The following SYT9 variants were observed in gnomAD, a reference collection of about 807,000 sequenced individuals.
SYT9 encodes the protein synaptotagmin-9.
SYT9 carries 22 observed loss-of-function variants against 48.4 expected under a neutral mutation model. The observed-to-expected ratio is 0.45, with a 90% CI of 0.32 to 0.65. SYT9 has a LOEUF of 0.65. SYT9 is among the 30% of genes least tolerant of loss of function. SYT9 has a pLI of 0.03. For missense variants in SYT9, 577 were observed against 622.0 expected (o/e 0.93, Z 0.77); for synonymous variants, 265 against 245.0 (o/e 1.08, Z -0.76).
rs147005259 is a variant in SYT9, at chr11:7,376,386, C to G, written c.1045-39656C>G. On this transcript the variant is annotated intron_variant, in intron 3 of 6. Transcript: ENST00000318881. ...CTTCCTTCCTCCTCCCCTCCCCTCT[C>G]CTCTCCTCTCCTCTCCTTTCTTCAG... 5.2e-5 allele frequency among the ~76,000 whole-genome samples: 7 copies of G among 134,824 alleles called. No individual in the cohort carries two copies. In the East Asian group the frequency reaches 1.4e-3, roughly 27 times the overall value. 88.4% of individuals were successfully genotyped at this position (134,824 alleles called of 152,430 possible).
chr11:7,285,176 T>C (rs1848574030), intron 1 of SYT9, among the ~76,000 whole-genome samples: 1 of 152,184 alleles, frequency 6.6e-6, no homozygotes, highest in South Asian at 2.1e-4. Context: ...ACTGTATTAG[T>C]CTGTTCTCAT....
chr11:7,313,419 C>G lies in SYT9; in HGVS notation c.522C>G (p.Leu174=), dbSNP rs762941038. ...GGCATAATTCAATCCGAAGACAACT[C>G]AACTTGTCAAACCCGGACTTCAATA... ...SARHNSIRRQ[L]NLSNPDFNIQ... Residue 174 remains leucine (L), a synonymous_variant, in exon 3 of 7, where the codon CTC becomes CTG. Transcript: ENST00000318881. 5.0e-6 allele frequency: 8 copies of G among 1,612,670 alleles called. No individual in the cohort carries two copies. The highest frequency in any genetic ancestry group is 1.1e-5 in the South Asian group (1 of 90,660).
At chr11:7,279,019 C>G (rs146096284) in intron 1 of SYT9, among the ~76,000 whole-genome samples, 1 of 152,316 alleles carries the variant, frequency 6.6e-6, no homozygotes, top group Non-Finnish European at 1.5e-5. Flanking sequence ...GAAGATATCT[C>G]TCTGCCTAGG....
intron 2 of SYT9, among the ~76,000 whole-genome samples, chr11:7,310,083 G>A (rs562525978): frequency 6.6e-6 from 1 of 152,304 alleles, no homozygotes; most frequent in Admixed American, 6.5e-5. Context: ...TGTTTCAGTA[G>A]ATAATAGTAT....
intron 4 of SYT9, among the ~76,000 whole-genome samples, chr11:7,417,059 G>A (rs1259808742): frequency 2.0e-5 from 3 of 152,088 alleles, no homozygotes; most frequent in Non-Finnish European, 4.4e-5. Flanking sequence ...ACCTCTGCAG[G>A]TGTTTCCCAA....
At chr11:7,283,811 T>C (rs1222371997) in intron 1 of SYT9, among the ~76,000 whole-genome samples, 1 of 152,162 alleles carries the variant, frequency 6.6e-6, no homozygotes, top group Non-Finnish European at 1.5e-5. Context: ...TATCACATCA[T>C]TGACACTTGT....
chr11:7,429,242 C>T (rs909644574), intron 6 of SYT9, among the ~76,000 whole-genome samples: 3 of 152,230 alleles, frequency 2.0e-5, no homozygotes, highest in African/African-American at 7.2e-5. Context: ...CTAAACCTGT[C>T]AAGCTAACCA....
chr11:7,252,494 T>C lies in SYT9; in HGVS notation c.145+163T>C. Among the ~76,000 whole-genome samples the C allele has an allele frequency of 6.6e-6, 1 of 151,922 alleles. No homozygotes were observed. The highest frequency in any genetic ancestry group is 2.0e-4 in the East Asian group (1 of 5,112). ...GAACCAGCGCACTGTGGCCTGATGC[T>C]GTAACCAGGCGGGGACCCGGGCGGT... On this transcript the variant is annotated intron_variant, in intron 1 of 6. Coordinates refer to ENST00000318881, the MANE Select transcript of SYT9 (RefSeq NM_175733.4). The surrounding 1 kb of genome is among the most constrained non-coding windows in gnomAD (Gnocchi z 6.3).
chr11:7,453,299 G>A lies in SYT9; in HGVS notation c.1468-13493G>A, dbSNP rs181355374. On this transcript the variant is annotated intron_variant, in intron 6 of 6. Transcript: ENST00000318881. ...GGAGGAGTGGGTACTGTCAGTACAA[G>A]CTGGGAAGATACTCCAAAGTGTTTC... Among the ~76,000 whole-genome samples the A allele has an allele frequency of 7.9e-5, 12 of 152,214 alleles. No individual in the cohort carries two copies. The East Asian group carries it at 2.4e-3, about 30-fold the overall frequency.
intron 3 of SYT9, among the ~76,000 whole-genome samples, chr11:7,330,123 T>C (rs180842546): frequency 3.4e-4 from 52 of 152,280 alleles, no homozygotes; most frequent in African/African-American, 1.2e-3. Context: ...TTACTCATAA[T>C]TGACAAAAAC....
chr11:7,278,208 C>G (rs920697283), intron 1 of SYT9, among the ~76,000 whole-genome samples: 6 of 152,148 alleles, frequency 3.9e-5, no homozygotes, highest in Non-Finnish European at 7.4e-5. Context: ...GGCCTCTCTT[C>G]TTCTTATAAA....
At chr11:7,432,880 G>A (rs1847635929) in intron 6 of SYT9, among the ~76,000 whole-genome samples, 1 of 151,834 alleles carries the variant, frequency 6.6e-6, no homozygotes, top group Non-Finnish European at 1.5e-5. Context: ...AGACTTTGGG[G>A]GATTATTGGG....
At chr11:7,332,845 G>C (rs1849564775) in intron 3 of SYT9, among the ~76,000 whole-genome samples, 1 of 152,212 alleles carries the variant, frequency 6.6e-6, no homozygotes, top group African/African-American at 2.4e-5. Context: ...AAAAGAAATA[G>C]AGTTGTCAAG....
chr11:7,281,960 T>A (rs1251152012), intron 1 of SYT9, among the ~76,000 whole-genome samples: 1 of 152,220 alleles, frequency 6.6e-6, no homozygotes, highest in African/African-American at 2.4e-5. Context: ...TGTACTGACC[T>A]TTGTAATTAT....
intron 6 of SYT9, among the ~76,000 whole-genome samples, chr11:7,434,640 G>A (rs1590026851): frequency 6.6e-6 from 1 of 152,132 alleles, no homozygotes; most frequent in Non-Finnish European, 1.5e-5. Context: ...GTATGGCAGG[G>A]CAGCCAGCGG....
At chr11:7,259,694 TC>T in intron 1 of SYT9, among the ~76,000 whole-genome samples, 1 of 152,310 alleles carries the variant, frequency 6.6e-6, no homozygotes, top group South Asian at 2.1e-4. Flanking sequence ...TTTTGTGTTC[TC>T]TACCACATTC....
intron 3 of SYT9, among the ~76,000 whole-genome samples, chr11:7,358,659 A>G (rs988542232): frequency 1.3e-4 from 20 of 152,156 alleles, no homozygotes; most frequent in African/African-American, 4.8e-4. Context: ...TTAAATTTTC[A>G]TGTTTTTAGA....
intron 3 of SYT9, among the ~76,000 whole-genome samples, chr11:7,320,678 T>G (rs1045367205): frequency 2.0e-5 from 3 of 152,246 alleles, no homozygotes; most frequent in Admixed American, 6.5e-5. Flanking sequence ...TAAAAAATTC[T>G]TTGTTTCTCC....
chr11:7,420,139 C>G (rs533910385), intron 5 of SYT9, among the ~76,000 whole-genome samples: 1 of 152,130 alleles, frequency 6.6e-6, no homozygotes, highest in African/African-American at 2.4e-5. Context: ...TTGGTTGCCT[C>G]TTGTGGGAAT....
Sources: gnomAD v4.1 joint callset for allele counts (sites outside exome capture counted in the v4.1 genomes callset) on GRCh38, gnomAD v4.1.1 for gene constraint, Gnocchi (gnomAD v3.1) non-coding constraint, MANE v1.5 for transcripts, NCBI Gene and HGNC (gene_info 2026-07-23, HGNC 2026-07-21) for gene names.